The following KLHL29 variants were observed in gnomAD, a reference collection of about 807,000 sequenced individuals.
KLHL29 encodes the protein kelch-like protein 29.
KLHL29 carries 21 observed loss-of-function variants against 80.4 expected under a neutral mutation model. That is an observed-to-expected ratio of 0.26 (90% CI 0.19 to 0.38). KLHL29 has a LOEUF of 0.38. Ranked by LOEUF, KLHL29 falls within the 10% of genes least tolerant of loss-of-function variation. The probability of loss-of-function intolerance (pLI) is 1.00; values close to 1 mark genes in which losing one functional copy is unlikely to be tolerated. For synonymous variants in KLHL29, 511 were observed against 526.8 expected (o/e 0.97, Z 0.41); for missense variants, 867 against 1,223.9 (o/e 0.71, Z 4.35).
chr2:23,601,331 T>G (rs984913997), intron 3 of KLHL29, among the ~76,000 whole-genome samples: 1 of 152,218 alleles, frequency 6.6e-6, no homozygotes, highest in African/African-American at 2.4e-5. Flanking sequence ...TCCTTGGTAG[T>G]GAAATGTCTG....
At chr2:23,455,136 G>A (rs753735884) in intron 1 of KLHL29, among the ~76,000 whole-genome samples, 2 of 152,124 alleles carry the variant, frequency 1.3e-5, no homozygotes, top group Non-Finnish European at 2.9e-5. Flanking sequence ...CTCAGGCCTG[G>A]CTCCTTCTGG....
intron 3 of KLHL29, among the ~76,000 whole-genome samples, chr2:23,597,381 G>A (rs1456797354): frequency 0.013 from 763 of 58,818 alleles, 15 homozygotes; most frequent in East Asian, 0.031. Context: ...ATGTGTGTGT[G>A]TGTATATATA....
intron 3 of KLHL29, among the ~76,000 whole-genome samples, chr2:23,637,484 G>A (rs929561513): frequency 6.6e-6 from 1 of 152,148 alleles, no homozygotes; most frequent in African/African-American, 2.4e-5. Flanking sequence ...CTTTTCTCAG[G>A]AGATTCACCC....
intron 1 of KLHL29, among the ~76,000 whole-genome samples, chr2:23,462,954 G>A (rs1161534075): frequency 1.3e-5 from 2 of 152,076 alleles, no homozygotes; most frequent in Non-Finnish European, 1.5e-5. Flanking sequence ...GGGCAACATA[G>A]CAAGACCCCA....
At chr2:23,411,954 T>G (rs1316200852) in intron 1 of KLHL29, among the ~76,000 whole-genome samples, 1 of 152,196 alleles carries the variant, frequency 6.6e-6, no homozygotes, top group African/African-American at 2.4e-5. Flanking sequence ...TTTGGGCATG[T>G]CTGACTTCTA....
chr2:23,482,839 TCATTCATTCATTCA>T (rs1291215194), intron 2 of KLHL29, among the ~76,000 whole-genome samples: 1 of 19,076 alleles, frequency 5.2e-5, no homozygotes, highest in Non-Finnish European at 1.2e-4. Context: ...ATTCATTCAT[TCATTCATTCATTCA>T]TTCATTCATT....
chr2:23,424,777 T>TTA (rs1187399635), intron 1 of KLHL29, among the ~76,000 whole-genome samples: 1 of 152,254 alleles, frequency 6.6e-6, no homozygotes, highest in Admixed American at 6.5e-5. Flanking sequence ...GAAGAAGGAC[T>TTA]TATAAATCTC....
intron 2 of KLHL29, among the ~76,000 whole-genome samples, chr2:23,516,777 A>G (rs912504804): frequency 6.6e-6 from 1 of 152,238 alleles, no homozygotes; most frequent in Non-Finnish European, 1.5e-5. Context: ...CTGCCCTGGC[A>G]CTGGGGAGGC....
At chr2:23,444,071 A>G (rs1021640517) in intron 1 of KLHL29, among the ~76,000 whole-genome samples, 3 of 152,172 alleles carry the variant, frequency 2.0e-5, no homozygotes, top group African/African-American at 4.8e-5. Flanking sequence ...TTTAGGCACA[A>G]TATGCCCCAG....
At chr2:23,610,827 T>C (rs538906650) in intron 3 of KLHL29, among the ~76,000 whole-genome samples, 2 of 152,358 alleles carry the variant, frequency 1.3e-5, no homozygotes, top group Non-Finnish European at 2.9e-5. Flanking sequence ...TTCATGTTGT[T>C]GGATAAATAT....
intron 3 of KLHL29, among the ~76,000 whole-genome samples, chr2:23,627,967 GCACGATCTCGGCT>G (rs1202773255): frequency 6.7e-6 from 1 of 149,544 alleles, no homozygotes; most frequent in Non-Finnish European, 1.5e-5. Context: ...GAGGGCAGTG[GCACGATCTCGGCT>G]CACCGCAACC....
chr2:23,523,220 C>T (rs185925711), intron 2 of KLHL29, among the ~76,000 whole-genome samples: 1 of 152,214 alleles, frequency 6.6e-6, no homozygotes, highest in Non-Finnish European at 1.5e-5. Flanking sequence ...CGGTCCACCC[C>T]AGGGTGGGCT....
At position 23,536,942 on chromosome 2, in the gene KLHL29, T is replaced by G. The variant is rs533201041; in HGVS notation, c.-45-25210T>G. On this transcript the variant is annotated intron_variant, in intron 2 of 13. Transcript: ENST00000486442. ...CACTCTCTCTCTCCCTCTCTCGCTCTCTCTCTCTCCCTCTCTCGCTCTCTC... is the reference window on the plus strand; with the variant it reads ...CACTCTCTCTCTCCCTCTCTCGCTCGCTCTCTCTCCCTCTCTCGCTCTCTC... Among the ~76,000 whole-genome samples the G allele has an allele frequency of 3.6e-3, 540 of 149,456 alleles. 2 individuals are homozygous for G. The highest frequency in any genetic ancestry group is 0.013 in the African/African-American group (509 of 40,420).
At chr2:23,577,798 C>G (rs1224534022) in intron 3 of KLHL29, among the ~76,000 whole-genome samples, 1 of 151,258 alleles carries the variant, frequency 6.6e-6, no homozygotes, top group Non-Finnish European at 1.5e-5. Flanking sequence ...TGGCCAGAGT[C>G]AGGTCTGTCA....
intron 2 of KLHL29, among the ~76,000 whole-genome samples, chr2:23,495,541 C>A (rs536501942): frequency 1.3e-5 from 2 of 152,188 alleles, no homozygotes; most frequent in Non-Finnish European, 2.9e-5. Context: ...GTATAACAGT[C>A]AACCCTGCCA....
chr2:23,483,836 A>G lies in KLHL29; in HGVS notation c.-46+8169A>G, dbSNP rs185684306. ...TAGAGTCCTTGTGTCCTGGTTCCTA[A>G]TACAACCCAGGGGCCCTTCTTGTTC... On this transcript the variant is annotated intron_variant, in intron 2 of 13. Transcript: ENST00000486442. 2.1e-3 allele frequency among the ~76,000 whole-genome samples: 316 copies of G among 152,250 alleles called. 5 individuals are homozygous for G. Among genetic ancestry groups the G allele is most frequent in the Non-Finnish European group, 5.9e-4 (40 of 68,024 alleles).
At chr2:23,687,597 G>C (rs1671324387) in intron 6 of KLHL29, among the ~76,000 whole-genome samples, 1 of 152,228 alleles carries the variant, frequency 6.6e-6, no homozygotes, top group East Asian at 1.9e-4. Context: ...CAGGCAAGGA[G>C]ACGAGCAGAG....
At chr2:23,577,759 AAAAG>A (rs1432838481) in intron 3 of KLHL29, among the ~76,000 whole-genome samples, 2 of 151,992 alleles carry the variant, frequency 1.3e-5, no homozygotes, top group African/African-American at 2.4e-5. Context: ...AAAAAAAAAA[AAAAG>A]AAAAGAAAGA....
intron 3 of KLHL29, among the ~76,000 whole-genome samples, chr2:23,582,524 C>T (rs1233551048): frequency 2.0e-5 from 3 of 152,192 alleles, no homozygotes; most frequent in Admixed American, 1.3e-4. Context: ...CTTTCTCAGC[C>T]TCCTGAGATT....
Sources: gnomAD v4.1 joint callset for allele counts (sites outside exome capture counted in the v4.1 genomes callset) on GRCh38, gnomAD v4.1.1 for gene constraint, MANE v1.5 for transcripts, NCBI Gene and HGNC (gene_info 2026-07-23, HGNC 2026-07-21) for gene names.